Variants in GEMIN2 observed in about 807,000 individuals in gnomAD.
GEMIN2 encodes gem-associated protein 2.
GEMIN2 carries 37 observed loss-of-function variants against 45.8 expected under a neutral mutation model. The observed-to-expected ratio is 0.81, with a 90% CI of 0.62 to 1.06. GEMIN2 has a LOEUF of 1.06. Ranked by LOEUF, GEMIN2 falls within the 50% of genes least tolerant of loss-of-function variation. GEMIN2 has a pLI of 0.00. For synonymous variants in GEMIN2, 101 were observed against 111.5 expected (o/e 0.91, Z 0.60); for missense variants, 335 against 321.8 (o/e 1.04, Z -0.31).
intron 7 of GEMIN2, among the ~76,000 whole-genome samples, chr14:39,130,179 A>AT (rs536516865): frequency 2.7e-5 from 4 of 150,936 alleles, no homozygotes; most frequent in Non-Finnish European, 1.5e-5. Context: ...GAAACATATA[A>AT]TTTTTTTTTA....
At chr14:39,115,847 A>G (rs985836344) in intron 2 of GEMIN2, among the ~76,000 whole-genome samples, 2 of 152,160 alleles carry the variant, frequency 1.3e-5, no homozygotes, top group African/African-American at 4.8e-5. Context: ...TGTGCCGGGC[A>G]TTGGGAATTC....
intron 4 of GEMIN2, among the ~76,000 whole-genome samples, chr14:39,121,608 G>C (rs1187920507): frequency 6.6e-6 from 1 of 152,210 alleles, no homozygotes; most frequent in Admixed American, 6.5e-5. Flanking sequence ...TGTCAGGGCT[G>C]CCATAACAGA....
At chr14:39,129,255 G>C (rs2052684966) in intron 7 of GEMIN2, among the ~76,000 whole-genome samples, 1 of 152,032 alleles carries the variant, frequency 6.6e-6, no homozygotes, top group South Asian at 2.1e-4. Context: ...ATATAGTCTA[G>C]GTATAGTAGA....
rs750670217 is a variant in GEMIN2, at chr14:39,136,441, T to C, written c.772T>C (p.Tyr258His). 13 of 1,504,106 alleles carry C rather than the reference T, an allele frequency of 8.6e-6. No individual in the cohort carries two copies. The highest frequency in any genetic ancestry group is 1.2e-5 in the Non-Finnish European group (13 of 1,081,238). The allele number at this position is 1,504,106 out of a possible 1,614,324, so 93.2% of individuals were successfully genotyped here. A position where few individuals can be genotyped will look rare whatever the true frequency, so the allele number is the denominator to read the frequency against. The change falls in exon 10 of 10, where the codon TAT becomes CAT. Residue 258 changes from tyrosine to histidine, a missense_variant and splice_region_variant. Coordinates refer to ENST00000308317, the MANE Select transcript of GEMIN2 (RefSeq NM_003616.3). ...AATTTTTTGTTTTTTTTTTACTAGG[T>C]ATTTTGACCAACGTGATTTAGCTGA... ...LNLLICLVSR[Y>H]FDQRDLADEP... is the part of the protein sequence containing the mutation.
chr14:39,135,356 C>CGGGT (rs1173233600), intron 9 of GEMIN2, among the ~76,000 whole-genome samples: 4 of 152,002 alleles, frequency 2.6e-5, no homozygotes, highest in Non-Finnish European at 5.9e-5. Context: ...GAGGCCAAGG[C>CGGGT]GGGTGGATCA....
In GEMIN2 at chr14:39,133,804, G is replaced by T. The variant is rs757103959; in HGVS notation, c.770+85G>T. ...ATTTATTACATTTGGTTTTTGTTTG[G>T]TTGGTTTTTTTTTGAGTCTCACTCT... On this transcript the variant is annotated intron_variant, in intron 9 of 9. Transcript: ENST00000308317. The T allele has an allele frequency of 1.7e-5, 14 of 812,994 alleles. No individual in the cohort carries two copies. The Middle Eastern group carries it at 7.3e-4, about 42-fold the overall frequency. The allele number at this position is 812,994 out of a possible 1,614,324, so 50.4% of individuals were successfully genotyped here.
chr14:39,124,977 C>T lies in GEMIN2; in HGVS notation c.487-15C>T, dbSNP rs1348827221. ...AATACCATTTAGTAAAATTCAGTCT[C>T]ATTTTTTCTTTCAGATTGGTTTTCC... On this transcript the variant is annotated splice_polypyrimidine_tract_variant and intron_variant, in intron 5 of 9. Coordinates refer to ENST00000308317, the MANE Select transcript of GEMIN2 (RefSeq NM_003616.3). 7.1e-7 allele frequency: 1 copy of T among 1,414,328 alleles called. No individual in the cohort carries two copies. The highest frequency in any genetic ancestry group is 2.3e-5 in the East Asian group (1 of 43,920). 87.6% of individuals were successfully genotyped at this position (1,414,328 alleles called of 1,614,324 possible). A position where few individuals can be genotyped will look rare whatever the true frequency, so the allele number is the denominator to read the frequency against.
chr14:39,118,923 T>C lies in GEMIN2; in HGVS notation c.372+324T>C, dbSNP rs534084834. Among the ~76,000 whole-genome samples the C allele has an allele frequency of 2.1e-3, 318 of 151,738 alleles. 3 individuals are homozygous for C. Among genetic ancestry groups the C allele is most frequent in the African/African-American group, 7.5e-3 (311 of 41,378 alleles). ...CCAAGTAGCTCGAACTTAAGGCATA[T>C]ACCACCATGCCCAGCTAATTGTTAA... On this transcript the variant is annotated intron_variant, in intron 4 of 9. Coordinates refer to ENST00000308317, the MANE Select transcript of GEMIN2 (RefSeq NM_003616.3).
At chr14:39,120,749 T>C (rs2052564036) in intron 4 of GEMIN2, among the ~76,000 whole-genome samples, 1 of 152,190 alleles carries the variant, frequency 6.6e-6, no homozygotes, top group Admixed American at 6.6e-5. Context: ...TGCCTCAGCC[T>C]CCCAAGTAGC....
At position 39,118,021 on chromosome 14, in the gene GEMIN2, CT is replaced by C; in HGVS notation, c.246del (p.Glu83LysfsTer24). ...NISLSGCQPA[P>X]EGYSPTLQWQ... The stretch of plus-strand genomic sequence containing the variant: ...TAGCTTTCAGGATGCCAACCCGCCC[CT>C]GAAGGTTATTCCCCAACACTTCAAT... On this transcript the variant is annotated frameshift_variant, in exon 3 of 10. Coordinates refer to ENST00000308317, the MANE Select transcript of GEMIN2 (RefSeq NM_003616.3). LOFTEE classifies it high-confidence loss of function. The C allele has an allele frequency of 6.2e-7, 1 of 1,605,412 alleles. No individual in the cohort carries two copies. The highest frequency in any genetic ancestry group is 8.5e-7 in the Non-Finnish European group (1 of 1,174,184).
intron 8 of GEMIN2, 81 bp from the exon 9 acceptor site, chr14:39,133,580 G>T: frequency 1.4e-6 from 1 of 691,218 alleles, no homozygotes; most frequent in Non-Finnish European, 2.3e-6. Context: ...TTCATGTTTC[G>T]TGTTTTACAT....
chr14:39,133,807 G>T, intron 9 of GEMIN2, 88 bp downstream of exon 9: 1 of 787,672 alleles, frequency 1.3e-6, no homozygotes, highest in South Asian at 1.8e-5. Flanking sequence ...TTGTTTGGTT[G>T]GTTTTTTTTT....
intron 7 of GEMIN2, among the ~76,000 whole-genome samples, chr14:39,131,260 G>A (rs911526902): frequency 1.3e-5 from 2 of 152,144 alleles, no homozygotes; most frequent in African/African-American, 4.8e-5. Context: ...TCGCGCCATT[G>A]CACTCCAGCC....
At chr14:39,124,737 C>T (rs1277730819) in intron 5 of GEMIN2, among the ~76,000 whole-genome samples, 1 of 152,124 alleles carries the variant, frequency 6.6e-6, no homozygotes, top group Non-Finnish European at 1.5e-5. Context: ...CGCGCCACTA[C>T]ACTCCAGCCT....
chr14:39,114,541 G>C (rs1393965175), intron 1 of GEMIN2, 66 bp downstream of exon 1: 9 of 1,184,086 alleles, frequency 7.6e-6, no homozygotes, highest in Admixed American at 4.2e-5. Context: ...AGCCCTCGGT[G>C]CTCTATTCCC....
chr14:39,128,277 TAGGC>T lies in GEMIN2; in HGVS notation c.532-1_534del. On this transcript the variant is annotated splice_acceptor_variant and coding_sequence_variant, in exon 7 of 10. Transcript: ENST00000308317. LOFTEE classifies it high-confidence loss of function. ...CTTCTCCACCCCCTCTTTTTTTTTT[TAGGC>T]AACAGTAACTAGTGTCTTGGAATAT... The T allele has an allele frequency of 6.6e-7, 1 of 1,517,400 alleles. No individual in the cohort carries two copies. 94.0% of individuals were successfully genotyped at this position (1,517,400 alleles called of 1,614,324 possible). A position where few individuals can be genotyped will look rare whatever the true frequency, so the allele number is the denominator to read the frequency against.
Position 39,117,047 on chromosome 14 carries a change from C to T in GEMIN2, c.223-952C>T, listed in dbSNP as rs191498094. ...CAGCACTTTGGGAGGCCAAGTCAGGCGGATCACCTGAGGTGGGGAGTTCAA... is the reference window on the plus strand; with the variant it reads ...CAGCACTTTGGGAGGCCAAGTCAGGTGGATCACCTGAGGTGGGGAGTTCAA... On this transcript the variant is annotated intron_variant, in intron 2 of 9. Coordinates refer to ENST00000308317, the MANE Select transcript of GEMIN2 (RefSeq NM_003616.3). Among the ~76,000 whole-genome samples, 5 of 152,198 alleles carry T rather than the reference C, an allele frequency of 3.3e-5. No homozygotes were observed. The South Asian group carries it at 6.2e-4, about 19-fold the overall frequency.
Position 39,114,778 on chromosome 14 carries a change from G to A in GEMIN2, c.138-51G>A, listed in dbSNP as rs1053959164. The stretch of plus-strand genomic sequence containing the variant: ...GTGGATCGCTTGTTTTACTACACCT[G>A]AGCAAAGCACAACAGAAATTTAATT... On this transcript the variant is annotated intron_variant, in intron 1 of 9. Coordinates refer to ENST00000308317, the MANE Select transcript of GEMIN2 (RefSeq NM_003616.3). 12 of 1,053,968 alleles carry A rather than the reference G, an allele frequency of 1.1e-5. No homozygotes were observed. The African/African-American group carries it at 1.6e-4, about 14-fold the overall frequency. 65.3% of individuals were successfully genotyped at this position (1,053,968 alleles called of 1,614,324 possible).
chr14:39,121,334 C>A (rs1358827041), intron 4 of GEMIN2, among the ~76,000 whole-genome samples: 2 of 152,032 alleles, frequency 1.3e-5, no homozygotes, highest in Non-Finnish European at 2.9e-5. Context: ...GAGTTTGAGA[C>A]CAGCCTGGGC....
Sources: gnomAD v4.1 joint callset for allele counts (sites outside exome capture counted in the v4.1 genomes callset) on GRCh38, gnomAD v4.1.1 for gene constraint, MANE v1.5 for transcripts, NCBI Gene and HGNC (gene_info 2026-07-23, HGNC 2026-07-21) for gene names.